The following FER variants were observed in gnomAD, a reference collection of about 807,000 sequenced individuals.
The protein encoded by FER is tyrosine-protein kinase Fer.
In FER, 63 loss-of-function variants were observed where a neutral mutation model predicts 111.0. That is an observed-to-expected ratio of 0.57 (90% CI 0.46 to 0.70). FER has a LOEUF of 0.70. Among genes scored for constraint, FER ranks in the 30% least tolerant of loss-of-function variants. FER has a pLI of 0.00. For synonymous variants in FER, 327 were observed against 313.9 expected, an observed-to-expected ratio of 1.04 and a Z score of -0.44; for missense variants, 914 against 954.0, an observed-to-expected ratio of 0.96 and a Z score of 0.55.
At chr5:108,896,808 A>G (rs1749173808) in intron 9 of FER, among the ~76,000 whole-genome samples, 1 of 152,154 alleles carries the variant, frequency 6.6e-6, no homozygotes, top group Admixed American at 6.5e-5. Flanking sequence ...TTATTTTCCA[A>G]TTTTGACATT....
At chr5:108,990,775 C>A (rs1233806186) in intron 13 of FER, among the ~76,000 whole-genome samples, 1 of 151,516 alleles carries the variant, frequency 6.6e-6, no homozygotes, top group Non-Finnish European at 1.5e-5. Flanking sequence ...TTATTAACAT[C>A]TTTAAAATGA....
rs1424297977 is a variant in FER at position 109,193,797 on chromosome 5, A to G, written c.*6222A>G. 2.0e-5 allele frequency: 3 copies of G among 152,120 alleles called. No individual in the cohort carries two copies. The East Asian group carries it at 5.8e-4, about 29-fold the overall frequency. 9.4% of individuals were successfully genotyped at this position (152,120 alleles called of 1,614,324 possible). On this transcript the variant is annotated 3_prime_UTR_variant, in exon 20 of 20. Transcript: ENST00000281092. ...ATTGAATAATGTTGTAATTGGTTTC[A>G]ATCAAAGTTTCTCCTCAGGTACTTG...
chr5:109,165,640 A>G (rs13356154), intron 17 of FER, among the ~76,000 whole-genome samples: 17 of 89,740 alleles, frequency 1.9e-4, no homozygotes, highest in South Asian at 3.3e-4. Flanking sequence ...GTGTGTGTGT[A>G]TACACACATA....
intron 13 of FER, among the ~76,000 whole-genome samples, chr5:109,026,359 A>C (rs551010141): frequency 1.9e-4 from 29 of 152,306 alleles, no homozygotes; most frequent in African/African-American, 7.0e-4. Context: ...ACATTTAAAC[A>C]AATACTCGGT....
At chr5:108,784,916 T>A (rs1460864080) in intron 2 of FER, 2 of 169,808 alleles carry the variant, frequency 1.2e-5, no homozygotes, top group Non-Finnish European at 2.5e-5. Flanking sequence ...ATGGGAGTCA[T>A]GGCCATCATG....
intron 2 of FER, chr5:108,785,597 G>GA (rs778343818): frequency 0.02 from 7,252 of 356,256 alleles, no homozygotes; most frequent in Middle Eastern, 0.036. Flanking sequence ...GAACAAACTG[G>GA]AAAAAAAAAA....
At chr5:108,932,891 T>C (rs1209952636) in intron 10 of FER, among the ~76,000 whole-genome samples, 2 of 152,010 alleles carry the variant, frequency 1.3e-5, no homozygotes, top group African/African-American at 4.8e-5. Context: ...TTTGTTTTTT[T>C]CTTGTAAATT....
intron 10 of FER, among the ~76,000 whole-genome samples, chr5:108,912,117 G>C (rs1164123746): frequency 6.6e-6 from 1 of 152,076 alleles, no homozygotes; most frequent in Non-Finnish European, 1.5e-5. Context: ...CCATAATTGT[G>C]AGGCCTCCTC....
intron 17 of FER, among the ~76,000 whole-genome samples, chr5:109,165,651 T>A (rs1367537354): frequency 6.6e-6 from 1 of 151,524 alleles, no homozygotes; most frequent in Non-Finnish European, 1.5e-5. Flanking sequence ...TACACACATA[T>A]ATATCACAGA....
chr5:108,794,154 C>T (rs542615883), intron 2 of FER, among the ~76,000 whole-genome samples: 117 of 151,152 alleles, frequency 7.7e-4, no homozygotes, highest in African/African-American at 2.0e-3. Context: ...TCAGATGATT[C>T]GTTACTGCTC....
chr5:109,052,059 C>A, intron 16 of FER: 11 of 1,604,074 alleles, frequency 6.9e-6, no homozygotes, highest in Non-Finnish European at 8.5e-6. Flanking sequence ...ACTTGAACTT[C>A]TTTATCTCAA....
chr5:108,896,911 T>G (rs904605581), intron 9 of FER, among the ~76,000 whole-genome samples: 1 of 152,302 alleles, frequency 6.6e-6, no homozygotes, highest in Admixed American at 6.5e-5. Flanking sequence ...TTGTAATATA[T>G]AGTGTGGGCT....
intron 3 of FER, among the ~76,000 whole-genome samples, chr5:108,801,268 C>T (rs1232885255): frequency 6.6e-6 from 1 of 152,206 alleles, no homozygotes; most frequent in Non-Finnish European, 1.5e-5. Context: ...AAGCTTTCTC[C>T]ATTGAATTGC....
At chr5:109,075,374 A>G (rs1776202461) in intron 16 of FER, among the ~76,000 whole-genome samples, 1 of 148,244 alleles carries the variant, frequency 6.7e-6, no homozygotes, top group Admixed American at 6.7e-5. Context: ...TTTGAATATT[A>G]TTTTCTAGAT....
chr5:109,109,411 C>G (rs1209857984), intron 17 of FER, among the ~76,000 whole-genome samples: 1 of 152,090 alleles, frequency 6.6e-6, no homozygotes, highest in Non-Finnish European at 1.5e-5. Context: ...CCTCAAGTTC[C>G]ATGAGGACAT....
At chr5:109,056,691 T>G (rs1414392197) in intron 16 of FER, among the ~76,000 whole-genome samples, 1 of 152,150 alleles carries the variant, frequency 6.6e-6, no homozygotes, top group East Asian at 1.9e-4. Flanking sequence ...GTGTATGGGA[T>G]TCATGCTAAA....
At chr5:108,981,475 G>A (rs912578123) in intron 13 of FER, among the ~76,000 whole-genome samples, 14 of 152,054 alleles carry the variant, frequency 9.2e-5, no homozygotes, top group Non-Finnish European at 1.5e-4. Flanking sequence ...CTCTAAAGTC[G>A]ATATAGGCTA....
At chr5:109,050,381 C>T (rs1295700921) in intron 16 of FER, among the ~76,000 whole-genome samples, 1 of 152,152 alleles carries the variant, frequency 6.6e-6, no homozygotes, top group Non-Finnish European at 1.5e-5. Context: ...CAAATTTGAA[C>T]ACTGTATGTG....
At chr5:108,908,114 A>C (rs1751042185) in intron 10 of FER, among the ~76,000 whole-genome samples, 2 of 152,196 alleles carry the variant, frequency 1.3e-5, no homozygotes, top group South Asian at 4.1e-4. Flanking sequence ...TGATAGAGGT[A>C]GTATTACCTG....
Sources: allele counts gnomAD v4.1 joint callset (sites outside exome capture counted in the v4.1 genomes callset), GRCh38; gene constraint gnomAD v4.1.1; transcripts MANE v1.5; gene names NCBI Gene and HGNC (gene_info 2026-07-23, HGNC 2026-07-21).